PCDHGA10: variants seen among roughly 807,000 people sequenced by gnomAD.
PCDHGA10 encodes the protein protocadherin gamma-A10.
In PCDHGA10, 42 loss-of-function variants were observed where a neutral mutation model predicts 59.5. The observed-to-expected ratio is 0.71, with a 90% CI of 0.55 to 0.91. The LOEUF is 0.91. Among genes scored for constraint, PCDHGA10 ranks in the 40% least tolerant of loss-of-function variants. The pLI, the probability that PCDHGA10 is intolerant of heterozygous loss-of-function variation, is 0.00. For synonymous variants in PCDHGA10, 511 were observed against 517.2 expected, an observed-to-expected ratio of 0.99 and a Z score of 0.16; for missense variants, 1,111 against 1,198.2, an observed-to-expected ratio of 0.93 and a Z score of 1.07.
chr5:141,501,327 AC>A (rs1208116606), intron 2 of PCDHGA10, among the ~76,000 whole-genome samples: 2 of 151,364 alleles, frequency 1.3e-5, no homozygotes, highest in Non-Finnish European at 2.9e-5. Context: ...ACACACACAC[AC>A]ACACACCCCA....
chr5:141,428,119 C>CCGGGCTTTTCAGCCTGGGGCTGCACA, intron 1 of PCDHGA10: 1 of 1,606,630 alleles, frequency 6.2e-7, no homozygotes, highest in Non-Finnish European at 8.5e-7. Context: ...GCCATCGAGC[C>CCGGGCTTTTCAGCCTGGGGCTGCACA]CGGGCTTTTC....
intron 1 of PCDHGA10, chr5:141,478,429 G>C: frequency 6.2e-7 from 1 of 1,613,674 alleles, no homozygotes; most frequent in Non-Finnish European, 8.5e-7. Flanking sequence ...GCAGCGACCC[G>C]CTGCTGAAGA....
intron 1 of PCDHGA10, among the ~76,000 whole-genome samples, chr5:141,437,411 T>C (rs1014219268): frequency 1.1e-4 from 17 of 152,222 alleles, no homozygotes; most frequent in African/African-American, 4.1e-4. Flanking sequence ...TCCAGAAGTA[T>C]TATGCTTTTT....
intron 1 of PCDHGA10, among the ~76,000 whole-genome samples, chr5:141,474,770 G>A (rs1221980722): frequency 6.6e-6 from 1 of 152,204 alleles, no homozygotes; most frequent in African/African-American, 2.4e-5. Context: ...GAAATAGTAT[G>A]AGGCTCTAAC....
chr5:141,423,569 TC>T (rs2096755253), intron 1 of PCDHGA10: 1 of 1,613,362 alleles, frequency 6.2e-7, no homozygotes, highest in Non-Finnish European at 8.5e-7. Context: ...GACACGCTCA[TC>T]AGCCAGGAGA....
intron 1 of PCDHGA10, among the ~76,000 whole-genome samples, chr5:141,461,253 C>A (rs1358900194): frequency 6.6e-6 from 1 of 152,108 alleles, no homozygotes; most frequent in Non-Finnish European, 1.5e-5. Flanking sequence ...ATATTCCCAG[C>A]AGCAATGTGT....
chr5:141,492,395 C>G (rs2099740183), intron 1 of PCDHGA10, among the ~76,000 whole-genome samples: 1 of 152,242 alleles, frequency 6.6e-6, no homozygotes, highest in African/African-American at 2.4e-5. Flanking sequence ...GGTCCACTCG[C>G]AGCTCCCCTC....
At chr5:141,422,758 A>G in intron 1 of PCDHGA10, 1 of 1,613,150 alleles carries the variant, frequency 6.2e-7, no homozygotes, top group Non-Finnish European at 8.5e-7. Flanking sequence ...TATTAACTCC[A>G]ACACTGGTGT....
chr5:141,430,395 A>C (rs1461176471), intron 1 of PCDHGA10, among the ~76,000 whole-genome samples: 1 of 152,096 alleles, frequency 6.6e-6, no homozygotes, highest in Non-Finnish European at 1.5e-5. Context: ...AAAAAAAAAA[A>C]AGCTCACTAA....
Position 141,486,487 on chromosome 5 carries a change from C to G in PCDHGA10, c.2437-8320C>G. The G allele has an allele frequency of 6.2e-7, 1 of 1,614,086 alleles. No homozygotes were observed. The highest frequency in any genetic ancestry group is 1.1e-5 in the South Asian group (1 of 91,074). ...CTGGGAACCCTCCTCTCAGTACCCA[C>G]AGAACTATTTTCCTCAATATTTCAG... On this transcript the variant is annotated intron_variant, in intron 1 of 3. Coordinates refer to ENST00000398610, the MANE Select transcript of PCDHGA10 (RefSeq NM_018913.3). This position sits in a 1 kb window ranked among gnomAD's most constrained non-coding sequence, Gnocchi z 5.0.
rs569362520 is a variant in PCDHGA10 at position 141,415,063 on chromosome 5, G to T, written c.1888G>T (p.Val630Leu). ...CGCGGTGGGGGAGCACACGGGCGAG[G>T]TGCGCACGGCGCGAGCCCTGCTGGA... The part of the protein sequence containing the change: ...LFAVGEHTGE[V>L]RTARALLDRD... Residue 630 changes from valine to leucine, a missense_variant, in exon 1 of 4, where the codon GTG becomes TTG. Val to Leu is a conservative substitution (Grantham distance 32). Coordinates refer to ENST00000398610, the MANE Select transcript of PCDHGA10 (RefSeq NM_018913.3). The T allele has an allele frequency of 3.1e-6, 5 of 1,613,432 alleles. No individual in the cohort carries two copies. The highest frequency in any genetic ancestry group is 3.3e-5 in the Admixed American group (2 of 60,008).
chr5:141,491,932 G>A lies in PCDHGA10; in HGVS notation c.2437-2875G>A. Reference sequence around the variant, plus strand: ...GGCGACTGTGGGCGAGGGGAGGTGGGACCGACCCCCACCCCTACACTCAAA... The same window carrying A: ...GGCGACTGTGGGCGAGGGGAGGTGGAACCGACCCCCACCCCTACACTCAAA... On this transcript the variant is annotated intron_variant, in intron 1 of 3. Transcript: ENST00000398610. This position sits in a 1 kb window ranked among gnomAD's most constrained non-coding sequence, Gnocchi z 6.9. 1 of 1,259,014 alleles carries A rather than the reference G, an allele frequency of 7.9e-7. No homozygotes were observed. The highest frequency in any genetic ancestry group is 1.1e-6 in the Non-Finnish European group (1 of 926,048). The allele number at this position is 1,259,014 out of a possible 1,614,324, so 78.0% of individuals were successfully genotyped here. A position where few individuals can be genotyped will look rare whatever the true frequency, so the allele number is the denominator to read the frequency against.
chr5:141,469,581 A>G (rs543624370), intron 1 of PCDHGA10, among the ~76,000 whole-genome samples: 1 of 152,340 alleles, frequency 6.6e-6, no homozygotes, highest in Admixed American at 6.5e-5. Flanking sequence ...CTCTAAATAA[A>G]TAAATAAATA....
chr5:141,423,832 T>G, intron 1 of PCDHGA10: 113 of 1,253,376 alleles, frequency 9.0e-5, no homozygotes, highest in East Asian at 2.6e-4. Context: ...TTTCATGAGA[T>G]TACGATAATC....
chr5:141,460,981 G>GTA (rs1491204135), intron 1 of PCDHGA10, among the ~76,000 whole-genome samples: 1,658 of 121,856 alleles, frequency 0.014, 27 homozygotes, highest in African/African-American at 0.051. Flanking sequence ...GTGTGTGTGT[G>GTA]TGTATATATA....
At position 141,491,466 on chromosome 5, in the gene PCDHGA10, T is replaced by C; in HGVS notation, c.2437-3341T>C. The C allele has an allele frequency of 6.2e-7, 1 of 1,614,068 alleles. No homozygotes were observed. The highest frequency in any genetic ancestry group is 8.5e-7 in the Non-Finnish European group (1 of 1,179,986). ...AGGACTCACCCTCCCCGGACTTCTA[T>C]AAGCAGTCCAGCCCCAACCTGCAGG... On this transcript the variant is annotated intron_variant, in intron 1 of 3. Transcript: ENST00000398610. The surrounding 1 kb of genome is among the most constrained non-coding windows in gnomAD (Gnocchi z 6.9).
chr5:141,420,454 TATTCAAAGAC>T, intron 1 of PCDHGA10: 1 of 968,104 alleles, frequency 1.0e-6, no homozygotes, highest in Admixed American at 3.7e-5. Context: ...GTCTTCCTAC[TATTCAAAGAC>T]ATTTTAAAGC....
At chr5:141,458,787 C>A (rs968490647) in intron 1 of PCDHGA10, among the ~76,000 whole-genome samples, 1 of 152,004 alleles carries the variant, frequency 6.6e-6, no homozygotes, top group African/African-American at 2.4e-5. Flanking sequence ...GGCTGGAGTG[C>A]AGTGGTGTGA....
intron 1 of PCDHGA10, among the ~76,000 whole-genome samples, chr5:141,462,839 T>C (rs1020663897): frequency 8.5e-5 from 13 of 152,228 alleles, no homozygotes; most frequent in Non-Finnish European, 1.5e-4. Context: ...GTAAATGTTA[T>C]ATTTTTGAGT....
Sources: gnomAD v4.1 joint callset for allele counts (sites outside exome capture counted in the v4.1 genomes callset) on GRCh38, gnomAD v4.1.1 for gene constraint, Gnocchi (gnomAD v3.1) non-coding constraint, MANE v1.5 for transcripts, NCBI Gene and HGNC (gene_info 2026-07-23, HGNC 2026-07-21) for gene names.